The following PAPOLG variants were observed in gnomAD, a reference collection of about 807,000 sequenced individuals.
The protein encoded by PAPOLG is poly(A) polymerase gamma, also known as PAP-gamma.
In PAPOLG, 40 loss-of-function variants were observed where a neutral mutation model predicts 99.0. The ratio of observed to expected loss-of-function variants is 0.40; its 90% CI spans 0.31 to 0.53. The LOEUF is 0.53. Ranked by LOEUF, PAPOLG falls within the 20% of genes least tolerant of loss-of-function variation. PAPOLG has a pLI of 0.41. For synonymous variants in PAPOLG, 310 were observed against 299.3 expected (o/e 1.04, Z -0.37); for missense variants, 675 against 884.1 (o/e 0.76, Z 3.00).
chr2:60,760,148 A>G lies in PAPOLG; in HGVS notation c.32A>G (p.Asp11Gly), dbSNP rs1408007260. MKEMSANTVL[D>G]SQRQQKHYGI... is the part of the protein sequence containing the mutation. ...TTCTTGAACAGAAACACCGTGCTGGACAGCCAGCGTCAACAAAAGCATTAT... is the reference window on the plus strand; with the variant it reads ...TTCTTGAACAGAAACACCGTGCTGGGCAGCCAGCGTCAACAAAAGCATTAT... Residue 11 changes from aspartate (D) to glycine (G), a missense_variant, in exon 2 of 22, where the codon GAC becomes GGC. Around this residue, in one of 3 missense-constraint regions of PAPOLG, gnomAD observed 149 missense variants for 192.1 expected, o/e 0.78. Coordinates refer to ENST00000238714, the MANE Select transcript of PAPOLG (RefSeq NM_022894.4). 1.2e-6 allele frequency: 2 copies of G among 1,614,030 alleles called. No homozygotes were observed. The highest frequency in any genetic ancestry group is 1.1e-5 in the South Asian group (1 of 91,058).
intron 15 of PAPOLG, among the ~76,000 whole-genome samples, chr2:60,789,748 C>G (rs918062385): frequency 6.6e-6 from 1 of 152,180 alleles, no homozygotes. Context: ...CTTGGCTCAT[C>G]TGGGTTTTCT....
chr2:60,757,877 T>G (rs1436098767), intron 1 of PAPOLG, among the ~76,000 whole-genome samples: 1 of 152,160 alleles, frequency 6.6e-6, no homozygotes, highest in Non-Finnish European at 1.5e-5. Context: ...GAACCTGGAT[T>G]TGGAATTTTA....
chr2:60,794,810 T>C (rs1051352092), intron 20 of PAPOLG, 35 bp downstream of exon 20: 8 of 1,564,450 alleles, frequency 5.1e-6, no homozygotes, highest in Middle Eastern at 1.7e-4. Context: ...AGAATATTTA[T>C]TGTAAAGCGC....
intron 13 of PAPOLG, among the ~76,000 whole-genome samples, chr2:60,784,374 G>T (rs994887383): frequency 6.6e-6 from 1 of 152,224 alleles, no homozygotes; most frequent in Non-Finnish European, 1.5e-5. Context: ...AAATCTTTCA[G>T]ATTAAGCTTC....
At chr2:60,771,242 A>G (rs926227984) in intron 6 of PAPOLG, among the ~76,000 whole-genome samples, 2 of 152,292 alleles carry the variant, frequency 1.3e-5, no homozygotes, top group South Asian at 2.1e-4. Flanking sequence ...TGGATCTTCT[A>G]TCTTTATCTA....
intron 3 of PAPOLG, among the ~76,000 whole-genome samples, chr2:60,762,193 C>CCA (rs1670539996): frequency 1.3e-5 from 2 of 152,108 alleles, no homozygotes; most frequent in Admixed American, 1.3e-4. Context: ...CTCATGGCCC[C>CCA]CACCACTCCC....
rs1671800192 is a variant in PAPOLG, at chr2:60,799,498, C to T, written c.*2338C>T. The T allele has an allele frequency of 6.6e-6, 1 of 152,288 alleles. No individual in the cohort carries two copies. Among genetic ancestry groups the T allele is most frequent in the Non-Finnish European group, 1.5e-5 (1 of 68,036 alleles). The allele number at this position is 152,288 out of a possible 1,614,324, so 9.4% of individuals were successfully genotyped here. ...TGACCAGTAGGTAGAACTTTGAGTA[C>T]ATTTCGTTAACTTGGTGGGAAGCTT... On this transcript the variant is annotated 3_prime_UTR_variant, in exon 22 of 22. Coordinates refer to ENST00000238714, the MANE Select transcript of PAPOLG (RefSeq NM_022894.4).
Position 60,781,795 on chromosome 2 carries a change from A to G in PAPOLG, c.907-90A>G, listed in dbSNP as rs1410096409. 2.6e-6 allele frequency: 4 copies of G among 1,526,796 alleles called. No homozygotes were observed. The African/African-American group carries it at 5.5e-5, about 21-fold the overall frequency. 94.6% of individuals were successfully genotyped at this position (1,526,796 alleles called of 1,614,324 possible). On this transcript the variant is annotated intron_variant, in intron 10 of 21. Coordinates refer to ENST00000238714, the MANE Select transcript of PAPOLG (RefSeq NM_022894.4). Reference sequence around the variant, plus strand: ...CTTGAGGAAATGTAGTATTAAATTTATATTTCATATTCTTCAGACTTTTGG... The same window carrying G: ...CTTGAGGAAATGTAGTATTAAATTTGTATTTCATATTCTTCAGACTTTTGG...
chr2:60,765,072 G>A (rs185500840), intron 3 of PAPOLG, among the ~76,000 whole-genome samples: 1 of 152,050 alleles, frequency 6.6e-6, no homozygotes, highest in Non-Finnish European at 1.5e-5. Context: ...TCTTTTGTGT[G>A]GGGGAATGGG....
intron 7 of PAPOLG, among the ~76,000 whole-genome samples, chr2:60,773,702 A>AAG (rs71400297): frequency 5.1e-5 from 2 of 39,364 alleles, no homozygotes; most frequent in Admixed American, 3.8e-4. Context: ...ATAAAATGTG[A>AAG]AAAAAAAAAA....
At chr2:60,769,224 C>G (rs1670775187) in intron 5 of PAPOLG, among the ~76,000 whole-genome samples, 1 of 152,058 alleles carries the variant, frequency 6.6e-6, no homozygotes. Flanking sequence ...TTACATAAAC[C>G]ATTTACTGTA....
chr2:60,794,626 A>G, intron 19 of PAPOLG, 84 bp from the exon 20 acceptor site: 5 of 1,144,702 alleles, frequency 4.4e-6, no homozygotes. Context: ...TAGTGTAACC[A>G]ATAACTAGTT....
At chr2:60,783,093 TA>T in intron 12 of PAPOLG, 62 bp from the exon 13 acceptor site, 1 of 1,420,622 alleles carries the variant, frequency 7.0e-7, no homozygotes, top group Non-Finnish European at 9.5e-7. Flanking sequence ...AGGGGATGAT[TA>T]AAAAGCAGGC....
rs781011838 is a variant in PAPOLG, at chr2:60,792,118, CCTT to C, written c.1519-7_1519-5del. Reference sequence around the variant, plus strand: ...GCATTTTGAAATCCTAAAATCGTTCCCTTCTTTCAGCAAAGTCTCTCTGATGTC... The same window carrying C: ...GCATTTTGAAATCCTAAAATCGTTCCCTTTCAGCAAAGTCTCTCTGATGTC... On this transcript the variant is annotated splice_region_variant and splice_polypyrimidine_tract_variant and intron_variant, in intron 16 of 21. Transcript: ENST00000238714. 3.4e-5 allele frequency: 54 copies of C among 1,570,302 alleles called. No individual in the cohort carries two copies. Among genetic ancestry groups the C allele is most frequent in the Non-Finnish European group, 3.7e-5 (43 of 1,164,574 alleles).
In PAPOLG at chr2:60,786,925, TTG is replaced by T. The variant is rs1318626766; in HGVS notation, c.1167-18_1167-17del. The T allele has an allele frequency of 6.3e-7, 1 of 1,598,024 alleles. No homozygotes were observed. The highest frequency in any genetic ancestry group is 1.8e-5 in the Admixed American group (1 of 56,078). On this transcript the variant is annotated intron_variant, in intron 13 of 21. Coordinates refer to ENST00000238714, the MANE Select transcript of PAPOLG (RefSeq NM_022894.4). ...AAATTTAAAGTGGACATAAGATAAATTGTGTTTGTTGTTTATTTTAGGGTTGG... is the reference window on the plus strand; with the variant it reads ...AAATTTAAAGTGGACATAAGATAAATTGTTTGTTGTTTATTTTAGGGTTGG...
In PAPOLG at chr2:60,786,996, C is replaced by T. The variant is rs753313760; in HGVS notation, c.1216C>T (p.Arg406Trp). ...CCGTGTACTTGTTGGAAACTTGGAA[C>T]GGAATGAATTTATTACTCTTGCCCA... is the stretch of plus-strand genomic sequence containing the variant. The part of the protein sequence containing the change: ...KIRVLVGNLE[R>W]NEFITLAHVN... Residue 406 changes from arginine (R) to tryptophan (W), a missense_variant, in exon 14 of 22, where the codon CGG becomes TGG. By Grantham distance (101) the Arg-to-Trp change is moderately radical. Around this residue, in one of 3 missense-constraint regions of PAPOLG, gnomAD observed 413 missense variants for 460.5 expected, o/e 0.90. Transcript: ENST00000238714. 5.6e-6 allele frequency: 9 copies of T among 1,612,336 alleles called. No individual in the cohort carries two copies. The highest frequency in any genetic ancestry group is 5.0e-5 in the Admixed American group (3 of 59,924).
intron 21 of PAPOLG, 29 bp from the exon 22 acceptor site, chr2:60,797,033 C>A: frequency 6.2e-7 from 1 of 1,612,272 alleles, no homozygotes; most frequent in Non-Finnish European, 8.5e-7. Flanking sequence ...TGTGCTTTTC[C>A]TTTTTTGTTT....
chr2:60,768,328 C>G (rs1390312221), intron 3 of PAPOLG, 142 bp from the exon 4 acceptor site: 4 of 714,610 alleles, frequency 5.6e-6, no homozygotes, highest in Admixed American at 6.3e-5. Context: ...TCTTGAACTC[C>G]TGACCTCAGG....
Position 60,794,313 on chromosome 2 carries a change from A to G in PAPOLG, c.1989+122A>G, listed in dbSNP as rs572156137. 2.3e-5 allele frequency: 23 copies of G among 1,005,710 alleles called. No individual in the cohort carries two copies. In the East Asian group the frequency reaches 5.5e-4, roughly 24 times the overall value. The allele number at this position is 1,005,710 out of a possible 1,614,324, so 62.3% of individuals were successfully genotyped here. On this transcript the variant is annotated intron_variant, in intron 19 of 21. Transcript: ENST00000238714. ...GTTGGCTGAAAAGAATATTTACCCA[A>G]ATCTTAAAGAAACAATATTAATTGC...
Sources: allele counts gnomAD v4.1 joint callset (sites outside exome capture counted in the v4.1 genomes callset), GRCh38; gene constraint gnomAD v4.1.1; regional missense constraint gnomAD v4.1.1; transcripts MANE v1.5; gene names NCBI Gene and HGNC (gene_info 2026-07-23, HGNC 2026-07-21).